CDS2: variants seen among roughly 807,000 people sequenced by gnomAD.
CDS2 encodes phosphatidate cytidylyltransferase 2.
A neutral mutation model predicts 59.0 loss-of-function variants in CDS2; 47 were observed. The ratio of observed to expected loss-of-function variants is 0.80; its 90% CI spans 0.63 to 1.02. The LOEUF (loss-of-function observed/expected upper bound fraction) is 1.02. Ranked by LOEUF, CDS2 falls within the 50% of genes least tolerant of loss-of-function variation. The pLI is 0.00. For missense variants in CDS2, 356 were observed against 558.9 expected (o/e 0.64, Z 3.66); for synonymous variants, 207 against 206.4 (o/e 1.00, Z -0.02).
At chr20:5,168,245 T>G (rs561649446) in intron 1 of CDS2, among the ~76,000 whole-genome samples, 1 of 150,280 alleles carries the variant, frequency 6.7e-6, no homozygotes, top group Non-Finnish European at 1.5e-5. Flanking sequence ...CAAAACCCCA[T>G]CTCTACTAAA....
At position 5,175,176 on chromosome 20, in the gene CDS2, G is replaced by A. The variant is rs1334686033; in HGVS notation, c.195-7G>A. On this transcript the variant is annotated splice_region_variant and splice_polypyrimidine_tract_variant and intron_variant, in intron 2 of 12. Coordinates refer to ENST00000460006, the MANE Select transcript of CDS2 (RefSeq NM_003818.4). The stretch of plus-strand genomic sequence containing the variant: ...GTGTTTTCTCCTTCCCCTGCTCTCT[G>A]ACCTAGATGGAAGAACTGGTGGGTG... 1 of 1,611,158 alleles carries A rather than the reference G, an allele frequency of 6.2e-7. No homozygotes were observed. Among genetic ancestry groups the A allele is most frequent in the East Asian group, 2.2e-5 (1 of 44,874 alleles).
At chr20:5,151,666 T>TGCCTCAA (rs2090790592) in intron 1 of CDS2, among the ~76,000 whole-genome samples, 2 of 150,206 alleles carry the variant, frequency 1.3e-5, no homozygotes, top group South Asian at 4.4e-4. Flanking sequence ...CTCGAACTCC[T>TGCCTCAA]GCCTCAAGCA....
At chr20:5,148,060 T>C (rs999982427) in intron 1 of CDS2, among the ~76,000 whole-genome samples, 1 of 152,170 alleles carries the variant, frequency 6.6e-6, no homozygotes, top group African/African-American at 2.4e-5. Context: ...CAGTAATTGT[T>C]ATCTAACATG....
intron 1 of CDS2, among the ~76,000 whole-genome samples, chr20:5,154,343 CACCCTTGGTAGTTCTCTGCCTCTCTGGGA>C (rs2090816254): frequency 6.6e-6 from 1 of 152,168 alleles, no homozygotes; most frequent in Non-Finnish European, 1.5e-5. Context: ...CTGGGTTCAC[CACCCTTGGTAGTTCTCTGCCTCTCTGGGA>C]GAGAGGCAGC....
chr20:5,187,316 A>G (rs1267733619), intron 10 of CDS2: 1 of 182,904 alleles, frequency 5.5e-6, no homozygotes, highest in Non-Finnish European at 1.2e-5. Flanking sequence ...TAATTTTGTT[A>G]AATCTTGACC....
intron 1 of CDS2, among the ~76,000 whole-genome samples, chr20:5,170,143 G>A (rs2090944744): frequency 2.0e-5 from 3 of 152,212 alleles, no homozygotes; most frequent in Non-Finnish European, 2.9e-5. Flanking sequence ...ATGGAGGCCT[G>A]TGCTGTGTGT....
At chr20:5,158,827 G>A (rs928293895) in intron 1 of CDS2, among the ~76,000 whole-genome samples, 1 of 152,162 alleles carries the variant, frequency 6.6e-6, no homozygotes, top group Non-Finnish European at 1.5e-5. Context: ...ATTTGTCAGA[G>A]ATATATGGTG....
intron 3 of CDS2, 33 bp from the exon 4 acceptor site, chr20:5,176,615 T>A (rs976976533): frequency 6.6e-7 from 1 of 1,521,700 alleles, no homozygotes; most frequent in African/African-American, 1.4e-5. Flanking sequence ...ATCATAAGAA[T>A]TGGGGTGTCA....
At chr20:5,181,119 C>T (rs968272158) in intron 5 of CDS2, among the ~76,000 whole-genome samples, 9 of 152,130 alleles carry the variant, frequency 5.9e-5, no homozygotes, top group Non-Finnish European at 8.8e-5. Flanking sequence ...TTTCCATGAA[C>T]TGGGTAATTG....
chr20:5,161,456 T>C (rs574574865), intron 1 of CDS2, among the ~76,000 whole-genome samples: 28 of 152,324 alleles, frequency 1.8e-4, no homozygotes, highest in African/African-American at 6.3e-4. Context: ...GCAGTGGACC[T>C]GAAAGGGATT....
At chr20:5,189,568 C>T (rs191673863) in intron 11 of CDS2, among the ~76,000 whole-genome samples, 167 bp from the exon 12 acceptor site, 2 of 152,234 alleles carry the variant, frequency 1.3e-5, no homozygotes, top group East Asian at 1.9e-4. Flanking sequence ...TTTTGTAATG[C>T]AATAAAATTG....
intron 6 of CDS2, among the ~76,000 whole-genome samples, 157 bp downstream of exon 6, chr20:5,182,602 G>A (rs186707444): frequency 2.6e-5 from 4 of 152,348 alleles, no homozygotes; most frequent in Non-Finnish European, 5.9e-5. Flanking sequence ...GCCCATTTAG[G>A]TTTAATGGCT....
In CDS2 at chr20:5,184,153, CTCAAAA is replaced by C. The variant is rs1400610558; in HGVS notation, c.672-704_672-699del. On this transcript the variant is annotated intron_variant, in intron 7 of 12. Transcript: ENST00000460006. This position sits in a 1 kb window ranked among gnomAD's most constrained non-coding sequence, Gnocchi z 4.3. ...CCAGCCTGGGCAACAGAGACTCTGT[CTCAAAA>C]ACAAAAACAGAAACAAACAAACAAA... 6.6e-6 allele frequency among the ~76,000 whole-genome samples: 1 copy of C among 151,952 alleles called. No individual in the cohort carries two copies. The highest frequency in any genetic ancestry group is 1.5e-5 in the Non-Finnish European group (1 of 68,022).
intron 7 of CDS2, 136 bp downstream of exon 7, chr20:5,183,279 G>A (rs1201162599): frequency 8.8e-6 from 6 of 683,108 alleles, no homozygotes; most frequent in Non-Finnish European, 1.5e-5. Flanking sequence ...ACAGATTGCT[G>A]GACCCCACCC....
intron 8 of CDS2, 56 bp from the exon 9 acceptor site, chr20:5,185,702 C>T (rs1183515868): frequency 6.1e-6 from 9 of 1,464,586 alleles, no homozygotes; most frequent in African/African-American, 4.2e-5. Flanking sequence ...AATCATTGTT[C>T]GCAAAGCTAT....
rs2090985916 is a variant in CDS2 at position 5,175,211 on chromosome 20, C to T, written c.223C>T (p.Leu75=). Residue 75 remains leucine, a synonymous_variant, in exon 3 of 13, where the codon CTG becomes TTG. Coordinates refer to ENST00000460006, the MANE Select transcript of CDS2 (RefSeq NM_003818.4). ...RWKNWWVRGI[L]TLAMIAFFFI... is the part of the protein sequence containing the mutation. ...GAAGAACTGGTGGGTGAGAGGCATCCTGACTTTGGCCATGATTGCATTTTT... is the reference window on the plus strand; with the variant it reads ...GAAGAACTGGTGGGTGAGAGGCATCTTGACTTTGGCCATGATTGCATTTTT... 6.2e-7 allele frequency: 1 copy of T among 1,614,146 alleles called. No homozygotes were observed. Among genetic ancestry groups the T allele is most frequent in the Non-Finnish European group, 8.5e-7 (1 of 1,179,976 alleles).
chr20:5,182,008 A>AGCCAT (rs1448694655), intron 5 of CDS2, among the ~76,000 whole-genome samples: 1 of 152,218 alleles, frequency 6.6e-6, no homozygotes, highest in East Asian at 1.9e-4. Context: ...GCTTGAAAGC[A>AGCCAT]GCCATAGACA....
rs949728691 is a variant in CDS2 at position 5,184,395 on chromosome 20, C to T, written c.672-463C>T. Among the ~76,000 whole-genome samples the T allele has an allele frequency of 6.6e-6, 1 of 152,046 alleles. No individual in the cohort carries two copies. The highest frequency in any genetic ancestry group is 2.4e-5 in the African/African-American group (1 of 41,406). On this transcript the variant is annotated intron_variant, in intron 7 of 12. Transcript: ENST00000460006. The surrounding 1 kb of genome is among the most constrained non-coding windows in gnomAD (Gnocchi z 4.3). The stretch of plus-strand genomic sequence containing the variant: ...AGGGCCAACTAGAGCTAGTAATAAA[C>T]AGCAAGAAAAGTCAGTAAATAATGA...
chr20:5,180,012 C>A (rs991182611), intron 5 of CDS2, among the ~76,000 whole-genome samples: 5 of 152,190 alleles, frequency 3.3e-5, no homozygotes, highest in Admixed American at 2.6e-4. Flanking sequence ...AAGGGGTCTG[C>A]TGCCATTGAG....
Sources: allele counts gnomAD v4.1 joint callset (sites outside exome capture counted in the v4.1 genomes callset), GRCh38; gene constraint gnomAD v4.1.1; non-coding constraint Gnocchi (gnomAD v3.1); transcripts MANE v1.5; gene names NCBI Gene and HGNC (gene_info 2026-07-23, HGNC 2026-07-21).